BCCIP: variants seen among roughly 807,000 people sequenced by gnomAD.
BCCIP encodes the protein BRCA2 and CDKN1A interacting protein, also known as BRCA2 and CDKN1A-interacting protein.
A neutral mutation model predicts 32.8 loss-of-function variants in BCCIP; 23 were observed. The ratio of observed to expected loss-of-function variants is 0.70; its 90% CI spans 0.51 to 0.99. The LOEUF (loss-of-function observed/expected upper bound fraction) is 0.99. Among genes scored for constraint, BCCIP ranks in the 50% least tolerant of loss-of-function variants. The probability of loss-of-function intolerance (pLI) is 0.00; values close to 1 mark genes in which losing one functional copy is unlikely to be tolerated. For missense variants in BCCIP, 378 were observed against 379.8 expected, an observed-to-expected ratio of 1.00 and a Z score of 0.04; for synonymous variants, 144 against 137.6, an observed-to-expected ratio of 1.05 and a Z score of -0.33.
At chr10:125,845,767 G>C (rs73381237), downstream of BCCIP, among the ~76,000 whole-genome samples, 2,913 of 152,310 alleles carry the variant, frequency 0.019, 91 homozygotes, top group African/African-American at 0.065. Context: ...GCCTTGCCCT[G>C]GGCAGGGCTC....
At chr10:125,847,670 A>C (rs1449214245), downstream of BCCIP, among the ~76,000 whole-genome samples, 1 of 152,126 alleles carries the variant, frequency 6.6e-6, no homozygotes, top group African/African-American at 2.4e-5. Context: ...TTATTATTAC[A>C]TTGTAATATA....
intron 7 of BCCIP, chr10:125,852,443 A>G: frequency 1.2e-6 from 2 of 1,614,050 alleles, no homozygotes; most frequent in Non-Finnish European, 1.7e-6. Flanking sequence ...TACAGGCAGA[A>G]AAATTTTCCT....
downstream of BCCIP, among the ~76,000 whole-genome samples, chr10:125,840,064 A>G (rs906666566): frequency 6.6e-6 from 1 of 152,214 alleles, no homozygotes; most frequent in African/African-American, 2.4e-5. Flanking sequence ...ACTACTTCAC[A>G]TATTTTCACA....
rs957235563 is a variant in BCCIP at position 125,852,189 on chromosome 10, T to C, written c.851-936T>C. ...TCAGTCCAAACCAACGCCCCCTCCA[T>C]GCTTGTGTGCATTGCTGCGCATCAT... is the stretch of plus-strand genomic sequence containing the variant. On this transcript the variant is annotated intron_variant, in intron 7 of 7. Coordinates refer to the BCCIP transcript ENST00000368759. 7 of 1,402,426 alleles carry C rather than the reference T, an allele frequency of 5.0e-6. No individual in the cohort carries two copies. The East Asian group carries it at 7.3e-5, about 15-fold the overall frequency. The allele number at this position is 1,402,426 out of a possible 1,614,324, so 86.9% of individuals were successfully genotyped here.
chr10:125,840,344 TCTC>T (rs1207396801), downstream of BCCIP, among the ~76,000 whole-genome samples: 1 of 152,168 alleles, frequency 6.6e-6, no homozygotes. Flanking sequence ...CACCCTCTGC[TCTC>T]CTCTATCAAG....
At chr10:125,830,335 C>T (rs1021950043) in intron 3 of BCCIP, among the ~76,000 whole-genome samples, 13 of 152,076 alleles carry the variant, frequency 8.5e-5, no homozygotes, top group African/African-American at 1.4e-4. Flanking sequence ...CGAGGTAAAG[C>T]GAAATGAACA....
At chr10:125,831,334 G>A (rs925849363) in intron 4 of BCCIP, 86 bp from the exon 5 acceptor site, 79 of 1,356,860 alleles carry the variant, frequency 5.8e-5, no homozygotes, top group Non-Finnish European at 8.0e-5. Context: ...TTAGCTGTAA[G>A]ATGAAAAGTG....
rs536342432 is a variant in BCCIP, at chr10:125,841,758, C to T, written c.*399C>T. On this transcript the variant is annotated 3_prime_UTR_variant, in exon 7 of 7. Transcript: ENST00000299130. The stretch of plus-strand genomic sequence containing the variant: ...TTAAGGATACCTGTTACCATGGCTG[C>T]GATTGTTAGCACTTCATCTACACAG... The T allele has an allele frequency of 9.9e-6, 16 of 1,609,680 alleles. No homozygotes were observed. The highest frequency in any genetic ancestry group is 3.4e-5 in the South Asian group (3 of 89,266).
In BCCIP at chr10:125,836,453, T is replaced by G; in HGVS notation, c.*179T>G. The G allele has an allele frequency of 6.4e-6, 9 of 1,416,966 alleles. No individual in the cohort carries two copies. The highest frequency in any genetic ancestry group is 7.3e-6 in the Non-Finnish European group (8 of 1,090,280). The allele number at this position is 1,416,966 out of a possible 1,614,324, so 87.8% of individuals were successfully genotyped here. A position where few individuals can be genotyped will look rare whatever the true frequency, so the allele number is the denominator to read the frequency against. ...CAGTTTTTTAAAATTTTGGTCAAAT[T>G]ATGAGTGGTTGATTTAAAAACTTTT... On this transcript the variant is annotated 3_prime_UTR_variant, in exon 7 of 7. Transcript: ENST00000278100.
rs933077308 is a variant in BCCIP, at chr10:125,836,493, A to G, written c.*219A>G. Reference sequence around the variant, plus strand: ...TAAAAACTTTTCCAAGAAGAAGAAAAGCATGGAGTAGTAATTTAAAGAACT... The same window carrying G: ...TAAAAACTTTTCCAAGAAGAAGAAAGGCATGGAGTAGTAATTTAAAGAACT... On this transcript the variant is annotated 3_prime_UTR_variant, in exon 7 of 7. Transcript: ENST00000278100. 1.2e-5 allele frequency: 17 copies of G among 1,378,600 alleles called. No individual in the cohort carries two copies. In the South Asian group the frequency reaches 2.2e-4, roughly 18 times the overall value. The allele number at this position is 1,378,600 out of a possible 1,614,324, so 85.4% of individuals were successfully genotyped here.
intron 1 of BCCIP, among the ~76,000 whole-genome samples, chr10:125,825,097 G>A (rs1001479687): frequency 6.6e-6 from 1 of 152,164 alleles, no homozygotes; most frequent in Non-Finnish European, 1.5e-5. Flanking sequence ...ATTACTTTTG[G>A]GTTATAGAAA....
chr10:125,827,481 G>A, intron 2 of BCCIP, 77 bp from the exon 3 acceptor site: 2 of 1,000,446 alleles, frequency 2.0e-6, no homozygotes, highest in Non-Finnish European at 3.0e-6. Flanking sequence ...TTCATTGTTT[G>A]TATTTGAATA....
intron 1 of BCCIP, chr10:125,825,622 TAGTC>T (rs1304932070): frequency 6.6e-6 from 1 of 152,184 alleles, no homozygotes; most frequent in Non-Finnish European, 1.5e-5. Context: ...AATATATACA[TAGTC>T]AGGGTGGCAA....
At chr10:125,838,391 A>C (rs1286408585), downstream of BCCIP, 1 of 1,561,016 alleles carries the variant, frequency 6.4e-7, no homozygotes, top group Middle Eastern at 1.7e-4. Context: ...GAGCAATCTG[A>C]AAGGCAGAAT....
chr10:125,826,435 A>C, intron 1 of BCCIP, 156 bp from the exon 2 acceptor site: 2 of 1,132,664 alleles, frequency 1.8e-6, no homozygotes, highest in African/African-American at 1.6e-5. Context: ...GGTTACTCTG[A>C]GTGTTTTGTT....
intron 6 of BCCIP, among the ~76,000 whole-genome samples, chr10:125,835,572 C>CT (rs1491033247): frequency 4.8e-5 from 2 of 41,746 alleles, no homozygotes; most frequent in Non-Finnish European, 1.0e-4. Flanking sequence ...GAGTGAGACT[C>CT]TGTCTCAAAA....
At chr10:125,827,675 GTTCT>G (rs1315093035) in intron 3 of BCCIP, 37 bp downstream of exon 3, 1 of 1,461,322 alleles carries the variant, frequency 6.8e-7, no homozygotes, top group Admixed American at 1.7e-5. Flanking sequence ...GATTAAATGA[GTTCT>G]TTATTCTGTT....
intron 7 of BCCIP, chr10:125,853,038 C>T: frequency 1.0e-6 from 1 of 969,482 alleles, no homozygotes; most frequent in Non-Finnish European, 1.6e-6. Flanking sequence ...TCTTGGTGGT[C>T]TCACCTTTAC....
chr10:125,836,373 C>T lies in BCCIP; in HGVS notation c.*99C>T, dbSNP rs1228911750. ...ACTCAGACTTTATTCAGATTAAGTT[C>T]CTCTACAAAAAGTAGGGTTCTGTCC... On this transcript the variant is annotated 3_prime_UTR_variant, in exon 7 of 7. Transcript: ENST00000278100. 6.4e-7 allele frequency: 1 copy of T among 1,569,616 alleles called. No homozygotes were observed. The highest frequency in any genetic ancestry group is 8.6e-7 in the Non-Finnish European group (1 of 1,160,742).
Sources: gnomAD v4.1 joint callset for allele counts (sites outside exome capture counted in the v4.1 genomes callset) on GRCh38, gnomAD v4.1.1 for gene constraint, MANE v1.5 for transcripts, NCBI Gene and HGNC (gene_info 2026-07-23, HGNC 2026-07-21) for gene names.